CPPED1: variants seen among roughly 807,000 people sequenced by gnomAD.
CPPED1 encodes calcineurin like phosphoesterase domain containing 1.
Under a neutral mutation model 28.0 loss-of-function variants are expected in CPPED1, and 28 were observed. The ratio of observed to expected loss-of-function variants is 1.00; its 90% confidence interval spans 0.74 to 1.37. CPPED1 has a LOEUF of 1.37. Ranked by LOEUF, CPPED1 falls within the 40% of genes most tolerant of loss-of-function variation. CPPED1 has a pLI of 0.00. For missense variants in CPPED1, 504 were observed against 416.5 expected (o/e 1.21, Z -1.83); for synonymous variants, 198 against 180.2 (o/e 1.10, Z -0.79).
At chr16:12,748,097 C>A (rs549167472) in intron 2 of CPPED1, among the ~76,000 whole-genome samples, 4 of 152,242 alleles carry the variant, frequency 2.6e-5, no homozygotes, top group African/African-American at 9.6e-5. Flanking sequence ...CTAGCAATAT[C>A]CTGGAATGCT....
chr16:12,766,669 T>G (rs1219652933), intron 2 of CPPED1, among the ~76,000 whole-genome samples: 1 of 152,134 alleles, frequency 6.6e-6, no homozygotes, highest in East Asian at 1.9e-4. Context: ...CTTGGGAGAC[T>G]GAGGCAGGAG....
At chr16:12,765,274 AG>A (rs763117999) in intron 2 of CPPED1, among the ~76,000 whole-genome samples, 5 of 152,256 alleles carry the variant, frequency 3.3e-5, no homozygotes, top group African/African-American at 4.8e-5. Context: ...CACTGCTAAC[AG>A]CTCAAGCTTC....
Position 12,704,935 on chromosome 16 carries a change from G to C in CPPED1, c.404C>G (p.Thr135Arg). ...GCAGAACTCCTCGACGGTCTCGGCC[G>C]TGGGGGTGTTGCCAATGTCATGGTT... The part of the protein sequence containing the change: ...SGNHDIGNTP[T>R]AETVEEFCRT... The change falls in exon 3 of 4, where the codon ACG becomes AGG. Residue 135 changes from threonine (T) to arginine (R), a missense_variant. Physicochemically the swap from Thr to Arg is moderately conservative, Grantham distance 71 (BLOSUM62 -1). Coordinates refer to ENST00000381774, the MANE Select transcript of CPPED1 (RefSeq NM_018340.3). 3 of 1,614,176 alleles carry C rather than the reference G, an allele frequency of 1.9e-6. No homozygotes were observed. The highest frequency in any genetic ancestry group is 2.2e-5 in the East Asian group (1 of 44,876).
rs534888878 is a variant in CPPED1, at chr16:12,726,099, T to C, written c.290-21050A>G. 2.6e-5 allele frequency among the ~76,000 whole-genome samples: 4 copies of C among 152,202 alleles called. No individual in the cohort carries two copies. In the East Asian group the frequency reaches 5.8e-4, roughly 22 times the overall value. ...CTCTGTCGCCCAAGCTGGAGTGCAA[T>C]GGCACAATCTTGGCTTACCACAACC... On this transcript the variant is annotated intron_variant, in intron 2 of 3. Transcript: ENST00000381774.
chr16:12,676,263 C>T (rs1180888164), intron 3 of CPPED1, among the ~76,000 whole-genome samples: 1 of 152,178 alleles, frequency 6.6e-6, no homozygotes, highest in East Asian at 1.9e-4. Flanking sequence ...GTTGAGCTCC[C>T]TCTTGGTGCC....
intron 2 of CPPED1, among the ~76,000 whole-genome samples, chr16:12,731,743 C>T (rs1288655620): frequency 6.7e-6 from 1 of 149,544 alleles, no homozygotes; most frequent in African/African-American, 2.5e-5. Flanking sequence ...TTTTAAATTG[C>T]ACTTTTAAAT....
chr16:12,718,585 G>A (rs371186896), intron 2 of CPPED1, among the ~76,000 whole-genome samples: 142 of 150,524 alleles, frequency 9.4e-4, no homozygotes, highest in African/African-American at 3.3e-3. Flanking sequence ...TTGATAATAC[G>A]ATTTGTTGGT....
chr16:12,691,809 T>C lies in CPPED1; in HGVS notation c.715+12815A>G, dbSNP rs552731837. ...GGGGAACATCACACGCTGGGGACTG[T>C]TGTGGGGTGGGGGGAGGGGGGGAGG... On this transcript the variant is annotated intron_variant, in intron 3 of 3. Transcript: ENST00000381774. Among the ~76,000 whole-genome samples, 403 of 66,374 alleles carry C rather than the reference T, an allele frequency of 6.1e-3. 2 individuals are homozygous for C. Among genetic ancestry groups the C allele is most frequent in the Middle Eastern group, 0.027 (3 of 112 alleles). 43.5% of individuals were successfully genotyped at this position (66,374 alleles called of 152,430 possible).
chr16:12,791,951 G>T (rs8048492), intron 1 of CPPED1, among the ~76,000 whole-genome samples: 42,599 of 151,466 alleles, frequency 0.28, 7,994 homozygotes, highest in African/African-American at 0.53. Context: ...TTCTTCCAGC[G>T]GTATCTTTTT....
chr16:12,735,336 G>A (rs970830221), intron 2 of CPPED1, among the ~76,000 whole-genome samples: 2 of 152,208 alleles, frequency 1.3e-5, no homozygotes, highest in Admixed American at 1.3e-4. Flanking sequence ...CTGTTGCCCA[G>A]GCTAGAGCAC....
chr16:12,776,525 T>C (rs2080498824), intron 2 of CPPED1, among the ~76,000 whole-genome samples: 1 of 152,184 alleles, frequency 6.6e-6, no homozygotes, highest in Non-Finnish European at 1.5e-5. Flanking sequence ...TTCTTTCTCA[T>C]GCTGTTGTCG....
chr16:12,772,825 T>G (rs1190791523), intron 2 of CPPED1, among the ~76,000 whole-genome samples: 1 of 152,216 alleles, frequency 6.6e-6, no homozygotes, highest in East Asian at 1.9e-4. Context: ...TCATTTGAAA[T>G]TCCAAGTTTT....
chr16:12,711,415 T>C (rs933656044), intron 2 of CPPED1, among the ~76,000 whole-genome samples: 1 of 152,204 alleles, frequency 6.6e-6, no homozygotes, highest in African/African-American at 2.4e-5. Flanking sequence ...ATGGTGATGA[T>C]GGTTGCACAA....
In CPPED1 at chr16:12,781,239, T is replaced by A. The variant is rs764893389; in HGVS notation, c.235A>T (p.Asn79Tyr). The A allele has an allele frequency of 3.7e-6, 6 of 1,614,156 alleles. No individual in the cohort carries two copies. The highest frequency in any genetic ancestry group is 5.1e-6 in the Non-Finnish European group (6 of 1,180,022). Residue 79 changes from asparagine to tyrosine, a missense_variant, in exon 2 of 4, where the codon AAC (asparagine) becomes TAC (tyrosine). Physicochemically the swap from Asn to Tyr is moderately radical, Grantham distance 143. Coordinates refer to ENST00000381774, the MANE Select transcript of CPPED1 (RefSeq NM_018340.3). ...AGAACGAAGAATTTGGGTTTGGGGT[T>A]CAGCTTGTTGATGGCCTGGACGGCT... Reference protein sequence around the residue: ...EQAVQAINKLNPKPKFFVLCG... With the variant: ...EQAVQAINKLYPKPKFFVLCG...
At chr16:12,788,986 G>C (rs920413164) in intron 1 of CPPED1, among the ~76,000 whole-genome samples, 114 of 152,326 alleles carry the variant, frequency 7.5e-4, no homozygotes, top group Non-Finnish European at 2.4e-4. Context: ...CAAACTCGAC[G>C]TCTGTGGATG....
intron 2 of CPPED1, among the ~76,000 whole-genome samples, chr16:12,723,274 T>C (rs552167905): frequency 6.6e-6 from 1 of 152,356 alleles, no homozygotes; most frequent in East Asian, 1.9e-4. Context: ...TCTGGCTTAC[T>C]GCAATCTGTG....
chr16:12,703,851 G>A lies in CPPED1; in HGVS notation c.715+773C>T, dbSNP rs910613965. ...GGCCCATGGCAGGTGCTACCAGAAA[G>A]ATAAAGGAGGTGGGTGGGCTAGTGC... On this transcript the variant is annotated intron_variant, in intron 3 of 3. Transcript: ENST00000381774. Among the ~76,000 whole-genome samples the A allele has an allele frequency of 2.6e-4, 39 of 152,296 alleles. No homozygotes were observed. The East Asian group carries it at 6.7e-3, about 26-fold the overall frequency.
chr16:12,789,196 G>A (rs1292224017), intron 1 of CPPED1, among the ~76,000 whole-genome samples: 3 of 151,978 alleles, frequency 2.0e-5, no homozygotes, highest in African/African-American at 7.3e-5. Context: ...CTTCACATGG[G>A]GTTTGTGCTC....
intron 1 of CPPED1, among the ~76,000 whole-genome samples, chr16:12,788,667 A>G (rs1343220791): frequency 6.6e-6 from 1 of 152,178 alleles, no homozygotes; most frequent in African/African-American, 2.4e-5. Context: ...AGCTATTCAG[A>G]ACCTCAGTGC....
Sources: allele counts gnomAD v4.1 joint callset (sites outside exome capture counted in the v4.1 genomes callset), GRCh38; gene constraint gnomAD v4.1.1; transcripts MANE v1.5; gene names NCBI Gene and HGNC (gene_info 2026-07-23, HGNC 2026-07-21).